LAMA2: variants seen among roughly 807,000 people sequenced by gnomAD.
LAMA2 encodes laminin subunit alpha 2, also known as laminin subunit alpha-2.
In LAMA2, 269 loss-of-function variants were observed where a neutral mutation model predicts 364.8. That is an observed-to-expected ratio of 0.74 (90% CI 0.67 to 0.82). LAMA2 has a LOEUF of 0.82. Among genes scored for constraint, LAMA2 ranks in the 40% least tolerant of loss-of-function variants. The pLI is 0.00. For synonymous variants in LAMA2, 1,379 were observed against 1,370.6 expected, an observed-to-expected ratio of 1.01 and a Z score of -0.14; for missense variants, 3,807 against 3,873.2, an observed-to-expected ratio of 0.98 and a Z score of 0.45.
intron 1 of LAMA2, among the ~76,000 whole-genome samples, chr6:128,936,570 C>G (rs767535228): frequency 2.6e-5 from 4 of 152,030 alleles, no homozygotes; most frequent in African/African-American, 4.8e-5. Context: ...GCTTTTTATT[C>G]TATGTATATA....
At chr6:129,070,360 C>A in intron 3 of LAMA2, among the ~76,000 whole-genome samples, 1 of 152,072 alleles carries the variant, frequency 6.6e-6, no homozygotes, top group Admixed American at 6.5e-5. Context: ...TGGAAAATAA[C>A]AAAACAAAAG....
At position 129,022,972 on chromosome 6, in the gene LAMA2, A is replaced by G. The variant is rs533540935; in HGVS notation, c.113-26946A>G. Among the ~76,000 whole-genome samples, 4 of 152,046 alleles carry G rather than the reference A, an allele frequency of 2.6e-5. No individual in the cohort carries two copies. In the South Asian group the frequency reaches 8.3e-4, roughly 32 times the overall value. On this transcript the variant is annotated intron_variant, in intron 1 of 64. Transcript: ENST00000421865. ...GTTATATCAGGGCCCCACTCCATCCATTGTCTTTTTTCTTAGTTATATCTT... is the reference window on the plus strand; with the variant it reads ...GTTATATCAGGGCCCCACTCCATCCGTTGTCTTTTTTCTTAGTTATATCTT...
chr6:128,928,816 C>T (rs890778816), intron 1 of LAMA2, among the ~76,000 whole-genome samples: 1 of 152,202 alleles, frequency 6.6e-6, no homozygotes, highest in African/African-American at 2.4e-5. Context: ...TTAGTCAGAG[C>T]TCCTGCTGGC....
intron 3 of LAMA2, among the ~76,000 whole-genome samples, chr6:129,088,410 A>T (rs1189340221): frequency 6.6e-6 from 1 of 152,068 alleles, no homozygotes; most frequent in African/African-American, 2.4e-5. Context: ...GCTGCTGGGT[A>T]CACCTCCCAG....
chr6:129,262,443 T>A (rs1340221178), intron 15 of LAMA2, among the ~76,000 whole-genome samples: 2 of 151,998 alleles, frequency 1.3e-5, no homozygotes, highest in Non-Finnish European at 2.9e-5. Context: ...AATCTTAAAT[T>A]GGATGCTAAA....
At chr6:128,942,590 TTTG>T (rs752823450) in intron 1 of LAMA2, among the ~76,000 whole-genome samples, 22 of 152,192 alleles carry the variant, frequency 1.4e-4, no homozygotes, top group Non-Finnish European at 2.1e-4. Context: ...TTAAAACATT[TTTG>T]TTGTTGTTGT....
chr6:129,214,231 C>T (rs1238546668), intron 12 of LAMA2, among the ~76,000 whole-genome samples: 1 of 152,158 alleles, frequency 6.6e-6, no homozygotes, highest in Admixed American at 6.6e-5. Flanking sequence ...TCTTGTGCTG[C>T]ATCTTAACAT....
intron 40 of LAMA2, among the ~76,000 whole-genome samples, chr6:129,417,713 C>T (rs1780871473): frequency 6.6e-6 from 1 of 152,120 alleles, no homozygotes; most frequent in Non-Finnish European, 1.5e-5. Flanking sequence ...CAGAGCCACC[C>T]TCAACTCCCC....
At chr6:128,990,925 G>T (rs1320148936) in intron 1 of LAMA2, among the ~76,000 whole-genome samples, 2 of 152,040 alleles carry the variant, frequency 1.3e-5, no homozygotes, top group Admixed American at 1.3e-4. Flanking sequence ...TAAAAGAACC[G>T]CTCTACAGAG....
intron 1 of LAMA2, among the ~76,000 whole-genome samples, chr6:129,039,977 A>G (rs924791624): frequency 5.9e-5 from 9 of 152,176 alleles, no homozygotes; most frequent in African/African-American, 2.2e-4. Context: ...ATGTAAAGTA[A>G]GGTTAGGATA....
chr6:128,968,349 T>A (rs1011498356), intron 1 of LAMA2, among the ~76,000 whole-genome samples: 1 of 152,238 alleles, frequency 6.6e-6, no homozygotes, highest in Non-Finnish European at 1.5e-5. Flanking sequence ...GGCACTGTTC[T>A]AAGCAATGGG....
intron 13 of LAMA2, among the ~76,000 whole-genome samples, chr6:129,251,508 G>A (rs994119201): frequency 1.3e-5 from 2 of 152,136 alleles, no homozygotes; most frequent in Non-Finnish European, 2.9e-5. Context: ...GGGAACTAAG[G>A]TCATGCCAAA....
chr6:129,324,339 T>A (rs1310236113), intron 28 of LAMA2, among the ~76,000 whole-genome samples: 1 of 152,196 alleles, frequency 6.6e-6, no homozygotes, highest in Non-Finnish European at 1.5e-5. Flanking sequence ...ATTGAGTGCT[T>A]ACTATCTCCT....
At chr6:129,045,175 A>C (rs192603312) in intron 1 of LAMA2, among the ~76,000 whole-genome samples, 1 of 152,312 alleles carries the variant, frequency 6.6e-6, no homozygotes, top group Admixed American at 6.5e-5. Context: ...CCCTGACCAT[A>C]AAACAAGGCA....
intron 31 of LAMA2, 65 bp from the exon 32 acceptor site, chr6:129,353,099 C>T (rs1299917034): frequency 7.0e-6 from 9 of 1,293,334 alleles, no homozygotes; most frequent in Non-Finnish European, 8.8e-6. Flanking sequence ...CAAAAGACCA[C>T]ACACAACAAT....
chr6:129,366,715 A>T (rs1420278619), intron 33 of LAMA2, among the ~76,000 whole-genome samples: 2 of 152,214 alleles, frequency 1.3e-5, no homozygotes, highest in East Asian at 3.8e-4. Context: ...CAAATTAAAA[A>T]CATTAATATA....
intron 29 of LAMA2, among the ~76,000 whole-genome samples, chr6:129,335,934 G>A (rs1775932397): frequency 6.6e-6 from 1 of 152,112 alleles, no homozygotes; most frequent in African/African-American, 2.4e-5. Context: ...TCTTAGAGTC[G>A]GGACAGAATC....
Position 128,978,345 on chromosome 6 carries a change from CTTTCTTTT to C in LAMA2, c.113-71569_113-71562del, listed in dbSNP as rs2114632494. Among the ~76,000 whole-genome samples, 2 of 147,586 alleles carry C rather than the reference CTTTCTTTT, an allele frequency of 1.4e-5. 1 individual carries two copies. Among genetic ancestry groups the C allele is most frequent in the South Asian group, 4.3e-4 (2 of 4,652 alleles). On this transcript the variant is annotated intron_variant, in intron 1 of 64. Coordinates refer to ENST00000421865, the MANE Select transcript of LAMA2 (RefSeq NM_000426.4). The stretch of plus-strand genomic sequence containing the variant: ...TAAGCAAAAGTACCTGCCCTTCTTT[CTTTCTTTT>C]TTTTTTTTTTTTTTGAGAGCATGGT...
At chr6:129,468,211 C>T (rs1783641070) in intron 51 of LAMA2, among the ~76,000 whole-genome samples, 2 of 151,692 alleles carry the variant, frequency 1.3e-5, no homozygotes, top group Non-Finnish European at 2.9e-5. Flanking sequence ...TATGGTATCA[C>T]CGTTAAAAAG....
Sources: gnomAD v4.1 joint callset for allele counts (sites outside exome capture counted in the v4.1 genomes callset) on GRCh38, gnomAD v4.1.1 for gene constraint, MANE v1.5 for transcripts, NCBI Gene and HGNC (gene_info 2026-07-23, HGNC 2026-07-21) for gene names.